The following RMP64 variants were observed in gnomAD, a reference collection of about 807,000 sequenced individuals.
RMP64 encodes ribonuclease MRP subunit p64.
At chr3:113,010,597 C>A in the RMP64 span, 5 of 1,490,414 alleles carry the variant, frequency 3.4e-6, no homozygotes, top group Non-Finnish European at 4.7e-6. Context: ...GCATCCTCTA[C>A]AAATTAGCAG....
the RMP64 span, chr3:113,005,919 G>A: frequency 1.2e-6 from 2 of 1,613,874 alleles, no homozygotes; most frequent in South Asian, 2.2e-5. Flanking sequence ...CTCTGTCTCA[G>A]ATGATGCTTT....
chr3:113,005,758 C>T, the RMP64 span: 1 of 1,613,884 alleles, frequency 6.2e-7, no homozygotes, highest in Non-Finnish European at 8.5e-7. Context: ...CAGTTCTATG[C>T]ACAGTACAGT....
the RMP64 span, chr3:113,013,325 C>T: frequency 4.3e-6 from 7 of 1,614,040 alleles, no homozygotes; most frequent in Admixed American, 5.0e-5. Flanking sequence ...TGCAGGCTCC[C>T]AAAACCTTCA....
the RMP64 span, among the ~76,000 whole-genome samples, chr3:113,016,547 T>G: frequency 1.2e-4 from 18 of 152,248 alleles, no homozygotes; most frequent in South Asian, 3.7e-3. Context: ...AAGCTTGCTT[T>G]TGGATCAAAA....
At chr3:113,018,156 C>T in the RMP64 span, among the ~76,000 whole-genome samples, 1 of 152,208 alleles carries the variant, frequency 6.6e-6, no homozygotes, top group African/African-American at 2.4e-5. Flanking sequence ...ACACCGGGTG[C>T]TCATCAGCAG....
the RMP64 span, chr3:113,004,687 G>A: frequency 6.6e-6 from 1 of 152,190 alleles, no homozygotes; most frequent in Non-Finnish European, 1.5e-5. Flanking sequence ...CAGAGCAACA[G>A]TACGAGCAAC....
At chr3:113,014,491 G>A in the RMP64 span, 619 of 153,056 alleles carry the variant, frequency 4.0e-3, 5 homozygotes, top group African/African-American at 0.014. Context: ...AAGCAGCTGG[G>A]ACTACAGGCA....
chr3:113,017,342 T>G, the RMP64 span: 1 of 939,096 alleles, frequency 1.1e-6, no homozygotes, highest in Non-Finnish European at 1.6e-6. Flanking sequence ...CACAAGTAAT[T>G]TACTGAGATT....
the RMP64 span, chr3:113,011,418 A>T: frequency 1.5e-5 from 23 of 1,541,146 alleles, no homozygotes; most frequent in Admixed American, 3.7e-4. Context: ...TAGAGAAAGA[A>T]ATAGGAGCTC....
At chr3:113,012,767 T>A in the RMP64 span, 3 of 1,609,068 alleles carry the variant, frequency 1.9e-6, no homozygotes, top group Non-Finnish European at 2.6e-6. Flanking sequence ...CATCACAAGG[T>A]TTAAAATAAT....
At chr3:113,013,887 A>T in the RMP64 span, 3 of 1,089,806 alleles carry the variant, frequency 2.8e-6, no homozygotes, top group Non-Finnish European at 4.3e-6. Flanking sequence ...AGAAATCCAA[A>T]GGGAGATCAC....
At chr3:113,005,414 C>G in the RMP64 span, 1 of 648,800 alleles carries the variant, frequency 1.5e-6, no homozygotes, top group Admixed American at 2.6e-5. Context: ...AACTCCTGTG[C>G]AATGCTGCAC....
the RMP64 span, chr3:113,008,107 G>C: frequency 6.8e-7 from 1 of 1,467,736 alleles, no homozygotes; most frequent in Non-Finnish European, 9.4e-7. Flanking sequence ...AAAGTGACCT[G>C]AATACTTTTA....
chr3:113,018,785 C>T, the RMP64 span, among the ~76,000 whole-genome samples: 1 of 152,172 alleles, frequency 6.6e-6, no homozygotes, highest in African/African-American at 2.4e-5. Context: ...TTTCATCCCC[C>T]CAAACAGCCC....
the RMP64 span, among the ~76,000 whole-genome samples, chr3:113,015,386 T>C: frequency 2.0e-5 from 3 of 152,208 alleles, no homozygotes; most frequent in Non-Finnish European, 4.4e-5. Flanking sequence ...TTAAGTGCTA[T>C]GAAGACAAAT....
At chr3:113,016,132 C>A in the RMP64 span, among the ~76,000 whole-genome samples, 1 of 151,080 alleles carries the variant, frequency 6.6e-6, no homozygotes, top group African/African-American at 2.4e-5. Flanking sequence ...AGAGAGAAGC[C>A]CGAACTAAGA....
chr3:113,013,439 T>C, the RMP64 span: 1 of 1,419,346 alleles, frequency 7.0e-7, no homozygotes, highest in Non-Finnish European at 9.5e-7. Context: ...TACTTTCACT[T>C]AAAAAAAAAG....
chr3:113,002,764 G>C, the RMP64 span: 1 of 157,360 alleles, frequency 6.4e-6, no homozygotes. Context: ...ATCCAAGATG[G>C]AAGTTACTTT....
At chr3:113,013,420 A>G in the RMP64 span, 1 of 1,575,234 alleles carries the variant, frequency 6.3e-7, no homozygotes, top group Non-Finnish European at 8.6e-7. Context: ...AAAAATAGAA[A>G]AAGTACATTA....
Sources: gnomAD v4.1 joint callset for allele counts (sites outside exome capture counted in the v4.1 genomes callset) on GRCh38, gnomAD v4.1.1 for gene constraint, MANE v1.5 for transcripts, NCBI Gene and HGNC (gene_info 2026-07-23, HGNC 2026-07-21) for gene names.